Variants in MICU1 observed in about 807,000 individuals in gnomAD.
The protein encoded by MICU1 is calcium uptake protein 1, mitochondrial.
In MICU1, 45 loss-of-function variants were observed where a neutral mutation model predicts 56.8. The observed-to-expected ratio is 0.79, with a 90% CI of 0.62 to 1.02. The LOEUF is 1.02. MICU1 is among the 50% of genes least tolerant of loss of function. The pLI, the probability that MICU1 is intolerant of heterozygous loss-of-function variation, is 0.00. For synonymous variants in MICU1, 186 were observed against 195.1 expected (o/e 0.95, Z 0.39); for missense variants, 504 against 587.1 (o/e 0.86, Z 1.46).
chr10:72,374,847 C>T (rs534998900), intron 11 of MICU1, among the ~76,000 whole-genome samples: 85 of 117,152 alleles, frequency 7.3e-4, no homozygotes, highest in African/African-American at 2.5e-3. Flanking sequence ...GATAGAGTCT[C>T]GCTCTGTCGC....
chr10:72,513,241 T>C (rs998923431), intron 5 of MICU1, among the ~76,000 whole-genome samples: 10 of 152,224 alleles, frequency 6.6e-5, no homozygotes, highest in Non-Finnish European at 1.0e-4. Context: ...TAAAAAATTA[T>C]AACCATCCTC....
chr10:72,400,402 AAAG>A (rs1240293007), intron 10 of MICU1, among the ~76,000 whole-genome samples: 11 of 152,182 alleles, frequency 7.2e-5, no homozygotes, highest in Non-Finnish European at 1.6e-4. Flanking sequence ...GGCTTTTCAA[AAAG>A]AAGGTATGCA....
intron 8 of MICU1, among the ~76,000 whole-genome samples, chr10:72,471,595 ATTTC>A (rs759779361): frequency 3.3e-4 from 50 of 151,666 alleles, no homozygotes; most frequent in East Asian, 9.7e-4. Context: ...TTTTTTTTAA[ATTTC>A]TTTGTTTGTT....
chr10:72,621,527 T>A (rs1462629183), intron 1 of MICU1, among the ~76,000 whole-genome samples: 1 of 151,998 alleles, frequency 6.6e-6, no homozygotes, highest in Non-Finnish European at 1.5e-5. Flanking sequence ...AATAAAGTGG[T>A]TTCTATACTA....
chr10:72,459,949 G>A (rs190757364), intron 8 of MICU1, among the ~76,000 whole-genome samples: 249 of 152,116 alleles, frequency 1.6e-3, no homozygotes, highest in Admixed American at 3.5e-3. Context: ...TTGCCAAATC[G>A]ACTCCCTTTT....
chr10:72,625,985 A>T (rs542408769), intron 1 of MICU1, 25 bp downstream of exon 1: 2 of 152,624 alleles, frequency 1.3e-5, no homozygotes, highest in East Asian at 3.8e-4. Flanking sequence ...CTGTCTCCTT[A>T]TACCCTCCAG....
At chr10:72,563,229 G>A (rs1229734882) in intron 2 of MICU1, among the ~76,000 whole-genome samples, 166 bp from the exon 3 acceptor site, 1 of 152,076 alleles carries the variant, frequency 6.6e-6, no homozygotes, top group Admixed American at 6.6e-5. Context: ...ATGATCTCTG[G>A]TTATATATCC....
chr10:72,442,903 C>G (rs73279050), intron 8 of MICU1, among the ~76,000 whole-genome samples: 1 of 151,986 alleles, frequency 6.6e-6, no homozygotes, highest in Admixed American at 6.6e-5. Flanking sequence ...ACTACAGGCA[C>G]GGGCTATCAT....
chr10:72,510,295 G>T (rs1027522532), intron 5 of MICU1, among the ~76,000 whole-genome samples: 7 of 152,136 alleles, frequency 4.6e-5, no homozygotes, highest in Non-Finnish European at 8.8e-5. Flanking sequence ...CAGAAAAGTT[G>T]AAAGATTAGT....
At chr10:72,533,877 C>T in intron 4 of MICU1, 88 bp from the exon 5 acceptor site, 4 of 903,948 alleles carry the variant, frequency 4.4e-6, no homozygotes, top group Non-Finnish European at 6.6e-6. Flanking sequence ...TGTTTCCAGT[C>T]ATTCAGTTAA....
At chr10:72,621,998 C>T (rs1374585426) in intron 1 of MICU1, among the ~76,000 whole-genome samples, 11 of 152,320 alleles carry the variant, frequency 7.2e-5, no homozygotes, top group Admixed American at 7.2e-4. Context: ...ACTGCAAGCT[C>T]TGCCTCCCAG....
In MICU1 at chr10:72,522,897, A is replaced by C. The variant is rs543566120; in HGVS notation, c.537+10849T>G. On this transcript the variant is annotated intron_variant, in intron 5 of 11. Coordinates refer to ENST00000361114, the MANE Select transcript of MICU1 (RefSeq NM_001195518.2). ...AAACAATTCTCCCACTACCTAAGAA[A>C]AAGGTTTATTATTATTCTTTAATGT... Among the ~76,000 whole-genome samples, 8 of 152,274 alleles carry C rather than the reference A, an allele frequency of 5.3e-5. No homozygotes were observed. In the East Asian group the frequency reaches 1.5e-3, roughly 29 times the overall value.
intron 4 of MICU1, among the ~76,000 whole-genome samples, chr10:72,534,061 T>G (rs1589316554): frequency 6.6e-6 from 1 of 152,152 alleles, no homozygotes; most frequent in Non-Finnish European, 1.5e-5. Context: ...GTTAGAACTC[T>G]GGACTCCTCC....
intron 4 of MICU1, among the ~76,000 whole-genome samples, chr10:72,542,072 G>C (rs900325171): frequency 6.6e-6 from 1 of 152,058 alleles, no homozygotes; most frequent in Non-Finnish European, 1.5e-5. Flanking sequence ...TCATCCCCTA[G>C]GGAAAGACAA....
At chr10:72,528,985 G>A (rs1449813050) in intron 5 of MICU1, among the ~76,000 whole-genome samples, 1 of 152,120 alleles carries the variant, frequency 6.6e-6, no homozygotes, top group African/African-American at 2.4e-5. Flanking sequence ...TTTCAACTAT[G>A]ACTTCCATCT....
chr10:72,458,448 G>T (rs182956828), intron 8 of MICU1, among the ~76,000 whole-genome samples: 3 of 152,166 alleles, frequency 2.0e-5, no homozygotes, highest in East Asian at 3.9e-4. Flanking sequence ...CCAGCACAAT[G>T]AATTTAATAT....
intron 5 of MICU1, among the ~76,000 whole-genome samples, chr10:72,514,377 T>G (rs1564912816): frequency 6.6e-6 from 1 of 152,164 alleles, no homozygotes; most frequent in Non-Finnish European, 1.5e-5. Flanking sequence ...CTGTAATTTA[T>G]TGTTTCTATG....
chr10:72,462,143 T>C (rs750461105), intron 8 of MICU1, among the ~76,000 whole-genome samples: 14 of 152,102 alleles, frequency 9.2e-5, no homozygotes, highest in Non-Finnish European at 1.6e-4. Flanking sequence ...AGCCCCCAAC[T>C]TACAATGGTC....
At position 72,368,255 on chromosome 10, in the gene MICU1, C is replaced by T; in HGVS notation, c.1371G>A (p.Met457Ile). 1 of 1,613,972 alleles carries T rather than the reference C, an allele frequency of 6.2e-7. No individual in the cohort carries two copies. Among genetic ancestry groups the T allele is most frequent in the Non-Finnish European group, 8.5e-7 (1 of 1,179,880 alleles). ...KPKDMGFTRL[M>I]QAMWKCAQET... ...CCTGTGCACATTTCCACATGGCCTG[C>T]ATGAGGCGAGTGAAACCCATGTCTT... The change falls in exon 12 of 12, where the codon ATG becomes ATA. Residue 457 changes from methionine (M) to isoleucine (I), a missense_variant. Coordinates refer to ENST00000361114, the MANE Select transcript of MICU1 (RefSeq NM_001195518.2).
Sources: gnomAD v4.1 joint callset for allele counts (sites outside exome capture counted in the v4.1 genomes callset) on GRCh38, gnomAD v4.1.1 for gene constraint, MANE v1.5 for transcripts, NCBI Gene and HGNC (gene_info 2026-07-23, HGNC 2026-07-21) for gene names.